Variants in ZFHX3 observed in about 807,000 individuals in gnomAD.
ZFHX3 encodes the protein zinc finger homeobox 3, also known as zinc finger homeobox protein 3.
In ZFHX3, 42 loss-of-function variants were observed where a neutral mutation model predicts 279.1. The ratio of observed to expected loss-of-function variants is 0.15; its 90% CI spans 0.12 to 0.19. The LOEUF (loss-of-function observed/expected upper bound fraction) is 0.19. Among genes scored for constraint, ZFHX3 ranks in the 10% least tolerant of loss-of-function variants. The pLI is 1.00. For synonymous variants in ZFHX3, 2,293 were observed against 1,957.8 expected, an observed-to-expected ratio of 1.17 and a Z score of -4.52; for missense variants, 4,981 against 4,754.0, an observed-to-expected ratio of 1.05 and a Z score of -1.40.
intron 5 of ZFHX3, among the ~76,000 whole-genome samples, chr16:73,162,948 C>T (rs1057184411): frequency 1.3e-5 from 2 of 152,272 alleles, no homozygotes; most frequent in East Asian, 3.9e-4. Context: ...TGCTGCTGGT[C>T]TTATATGGCA....
intron 3 of ZFHX3, 124 bp downstream of exon 3, chr16:72,950,345 C>T (rs962921285): frequency 3.4e-6 from 5 of 1,462,088 alleles, no homozygotes; most frequent in African/African-American, 1.4e-5. Context: ...TCCAGGTTCC[C>T]AACCAACAGC....
chr16:73,003,531 G>A (rs1442186164), intron 1 of ZFHX3, among the ~76,000 whole-genome samples: 3 of 66,432 alleles, frequency 4.5e-5, no homozygotes, highest in East Asian at 3.6e-4. Flanking sequence ...TCCCCACCCC[G>A]CCCCATCTCT....
intron 3 of ZFHX3, among the ~76,000 whole-genome samples, chr16:72,927,087 G>A (rs569882110): frequency 6.6e-6 from 1 of 152,254 alleles, no homozygotes; most frequent in African/African-American, 2.4e-5. Flanking sequence ...TTCTTCCCTG[G>A]AATTTCACTT....
chr16:73,177,475 G>T (rs749656093), intron 5 of ZFHX3, among the ~76,000 whole-genome samples: 1 of 152,206 alleles, frequency 6.6e-6, no homozygotes, highest in Admixed American at 6.5e-5. Flanking sequence ...CTTTGGAAGC[G>T]TATGAAACAT....
intron 4 of ZFHX3, chr16:73,293,986 C>CAAAAAAAAAA (rs56783722): frequency 1.9e-4 from 8 of 41,732 alleles, no homozygotes; most frequent in Non-Finnish European, 2.3e-4. Flanking sequence ...GTCAATATGC[C>CAAAAAAAAAA]AAAAAAAAAA....
At position 72,794,128 on chromosome 16, in the gene ZFHX3, T is replaced by C; in HGVS notation, c.8554A>G (p.Asn2852Asp). ...ITDTTTGDEG[N>D]ADNDSATGIA... ...CCCGTTGCACTGTCGTTATCTGCGT[T>C]GCCCTCGTCTCCAGTTGTGGTATCT... is the stretch of plus-strand genomic sequence containing the variant. Residue 2852 changes from asparagine (N) to aspartate (D), a missense_variant, in exon 9 of 10, where the codon AAC becomes GAC. Asn to Asp is a conservative substitution (Grantham distance 23). Transcript: ENST00000268489. This position sits in a 1 kb window ranked among gnomAD's most constrained non-coding sequence, Gnocchi z 4.2. The C allele has an allele frequency of 6.2e-7, 1 of 1,614,260 alleles. No individual in the cohort carries two copies. Among genetic ancestry groups the C allele is most frequent in the East Asian group, 2.2e-5 (1 of 44,886 alleles).
intron 7 of ZFHX3, chr16:73,130,873 G>C: frequency 9.2e-7 from 1 of 1,085,222 alleles, no homozygotes; most frequent in Non-Finnish European, 1.2e-6. Flanking sequence ...CTCCCAAAGT[G>C]CTGGGATCAC....
chr16:73,592,919 C>T (rs1252694029), intron 2 of ZFHX3, among the ~76,000 whole-genome samples: 3 of 151,540 alleles, frequency 2.0e-5, no homozygotes, highest in African/African-American at 7.3e-5. Context: ...GGATAAAAAA[C>T]AGTATTAGTA....
chr16:73,219,255 C>T (rs2012323245), intron 5 of ZFHX3, among the ~76,000 whole-genome samples: 1 of 152,142 alleles, frequency 6.6e-6, no homozygotes, highest in African/African-American at 2.4e-5. Context: ...CCAAAATTCA[C>T]AGAAACAGCA....
At chr16:73,589,259 CAAAAAAAAAAA>C (rs34481194) in intron 2 of ZFHX3, among the ~76,000 whole-genome samples, 785 of 30,970 alleles carry the variant, frequency 0.025, 32 homozygotes, top group East Asian at 0.19. Flanking sequence ...GATTCTGTCT[CAAAAAAAAAAA>C]AAAAAAAAAA....
intron 8 of ZFHX3, 70 bp downstream of exon 8, chr16:72,799,957 C>A: frequency 7.0e-7 from 1 of 1,423,380 alleles, no homozygotes; most frequent in East Asian, 2.3e-5. Flanking sequence ...TTCCTGAAAA[C>A]CTTTCTCCAT....
intron 3 of ZFHX3, among the ~76,000 whole-genome samples, chr16:73,443,437 G>C (rs1382864338): frequency 2.0e-4 from 30 of 152,190 alleles, no homozygotes; most frequent in Admixed American, 1.5e-3. Flanking sequence ...TTTTGCAAAA[G>C]ATGATAGTTT....
At chr16:73,348,175 GTTTA>G (rs1441830635) in intron 3 of ZFHX3, among the ~76,000 whole-genome samples, 2 of 152,096 alleles carry the variant, frequency 1.3e-5, no homozygotes, top group Non-Finnish European at 2.9e-5. Flanking sequence ...CAAAGCCACG[GTTTA>G]TTTTTCTGCT....
chr16:73,358,289 T>A (rs1204352823), intron 3 of ZFHX3, among the ~76,000 whole-genome samples: 1 of 152,202 alleles, frequency 6.6e-6, no homozygotes, highest in East Asian at 1.9e-4. Flanking sequence ...ATGGCAAAAG[T>A]GAAGGCGTGT....
chr16:73,457,724 G>A (rs889794725), intron 2 of ZFHX3, among the ~76,000 whole-genome samples: 1 of 152,182 alleles, frequency 6.6e-6, no homozygotes. Flanking sequence ...GCAGCGAGCC[G>A]AGATTGCACC....
intron 1 of ZFHX3, among the ~76,000 whole-genome samples, chr16:73,702,469 G>A (rs2053257997): frequency 6.6e-6 from 1 of 152,138 alleles, no homozygotes; most frequent in Non-Finnish European, 1.5e-5. Context: ...CAAAGAACAG[G>A]TCCCTGTAGG....
At chr16:73,599,406 A>T (rs1567529681) in intron 2 of ZFHX3, among the ~76,000 whole-genome samples, 1 of 152,252 alleles carries the variant, frequency 6.6e-6, no homozygotes, top group African/African-American at 2.4e-5. Context: ...GTGCAAAATG[A>T]AAACGTGGAG....
Position 73,787,852 on chromosome 16 carries a change from TGA to T in ZFHX3, c.-1608+103797_-1608+103798del, listed in dbSNP as rs1491340537. 9.1e-3 allele frequency among the ~76,000 whole-genome samples: 1,203 copies of T among 132,440 alleles called. 12 individuals are homozygous for T. Among genetic ancestry groups the T allele is most frequent in the Middle Eastern group, 0.06 (16 of 266 alleles). 86.9% of individuals were successfully genotyped at this position (132,440 alleles called of 152,430 possible). Reference sequence around the variant, plus strand: ...GTGTGTGTGTGTGTGTGTGTGTGTGTGAAAGAGAGAGAGAGAGAGAGAGAGAA... The same window carrying T: ...GTGTGTGTGTGTGTGTGTGTGTGTGTAAGAGAGAGAGAGAGAGAGAGAGAA... On this transcript the variant is annotated intron_variant, in intron 1 of 17. Coordinates refer to the ZFHX3 transcript ENST00000641206.
At chr16:73,680,157 C>G (rs181217982) in intron 2 of ZFHX3, 2 of 152,074 alleles carry the variant, frequency 1.3e-5, no homozygotes, top group Non-Finnish European at 2.9e-5. Context: ...TTAGACCAAA[C>G]AAATTGGAAC....
Sources: allele counts gnomAD v4.1 joint callset (sites outside exome capture counted in the v4.1 genomes callset), GRCh38; gene constraint gnomAD v4.1.1; non-coding constraint Gnocchi (gnomAD v3.1); transcripts MANE v1.5; gene names NCBI Gene and HGNC (gene_info 2026-07-23, HGNC 2026-07-21).